The following WDR87 variants were observed in gnomAD, a reference collection of about 807,000 sequenced individuals.
WDR87 encodes the protein WD repeat domain 87.
A neutral mutation model predicts 83.3 loss-of-function variants in WDR87; 56 were observed. That is an observed-to-expected ratio of 0.67 (90% CI 0.54 to 0.84). The LOEUF is 0.84. Among genes scored for constraint, WDR87 ranks in the 40% least tolerant of loss-of-function variants. The pLI, the probability that WDR87 is intolerant of heterozygous loss-of-function variation, is 0.00. For synonymous variants in WDR87, 1,173 were observed against 1,250.6 expected (o/e 0.94, Z 1.31); for missense variants, 2,939 against 3,431.9 (o/e 0.86, Z 3.59).
In WDR87 at chr19:37,888,133, C is replaced by T. The variant is rs950379333; in HGVS notation, c.5538G>A (p.Glu1846=). 2 of 1,551,988 alleles carry T rather than the reference C, an allele frequency of 1.3e-6. No homozygotes were observed. Among genetic ancestry groups the T allele is most frequent in the African/African-American group, 2.7e-5 (2 of 73,012 alleles). Residue 1846 remains glutamate (E), a synonymous_variant, in exon 6 of 6, where the codon GAG becomes GAA. Coordinates refer to ENST00000447313, the MANE Select transcript of WDR87 (RefSeq NM_001291088.2). The part of the protein sequence containing the change: ...RLGRKREQLI[E]KKMKLAQKRE... ...TTTTTTGGGCCAGTTTCATCTTCTT[C>T]TCAATCAATTGCTCCCTTTTCCGTC...
rs973446632 is a variant in WDR87, at chr19:37,888,261, C to T, written c.5410G>A (p.Glu1804Lys). Residue 1804 changes from glutamate (E) to lysine (K), a missense_variant, in exon 6 of 6, where the codon GAA (glutamate) becomes AAA (lysine). Physicochemically the swap from Glu to Lys is moderately conservative, Grantham distance 56 (BLOSUM62 1). Around this residue, in one of 3 missense-constraint regions of WDR87, gnomAD observed 2,160 missense variants for 2,533.1 expected, o/e 0.85. Coordinates refer to ENST00000447313, the MANE Select transcript of WDR87 (RefSeq NM_001291088.2). ...ALAWQREKLSEEETKLAQEEE... is the reference protein window; with the variant it reads ...ALAWQREKLSKEETKLAQEEE... ...TCCTGGGCCAGTTTTGTCTCTTCTTCAGACAGTTTCTCCCTTTGCCAGGCC... is the reference window on the plus strand; with the variant it reads ...TCCTGGGCCAGTTTTGTCTCTTCTTTAGACAGTTTCTCCCTTTGCCAGGCC... 1 of 1,550,966 alleles carries T rather than the reference C, an allele frequency of 6.4e-7. No individual in the cohort carries two copies. The highest frequency in any genetic ancestry group is 8.7e-7 in the Non-Finnish European group (1 of 1,146,792).
chr19:37,892,847 C>G lies in WDR87; in HGVS notation c.2856G>C (p.Gln952His), dbSNP rs1467810803. 2 of 1,551,700 alleles carry G rather than the reference C, an allele frequency of 1.3e-6. No homozygotes were observed. The highest frequency in any genetic ancestry group is 4.9e-5 in the East Asian group (2 of 40,926). Residue 952 changes from glutamine (Q) to histidine (H), a missense_variant, in exon 4 of 6, where the codon CAG becomes CAC. Around this residue, in one of 3 missense-constraint regions of WDR87, gnomAD observed 2,160 missense variants for 2,533.1 expected, o/e 0.85. Coordinates refer to ENST00000447313, the MANE Select transcript of WDR87 (RefSeq NM_001291088.2). Reference protein sequence around the residue: ...GALGQIFASYQVSPALRSETA... With the variant: ...GALGQIFASYHVSPALRSETA... Reference sequence around the variant, plus strand: ...TCTCAGAGCGTAGGGCTGGGGACACCTGGTAAGAGGCAAAGATTTGCCCTA... The same window carrying G: ...TCTCAGAGCGTAGGGCTGGGGACACGTGGTAAGAGGCAAAGATTTGCCCTA...
rs925293142 is a variant in WDR87, at chr19:37,894,208, T to A, written c.1495A>T (p.Lys499Ter). The A allele has an allele frequency of 3.9e-6, 6 of 1,551,976 alleles. No individual in the cohort carries two copies. In the African/African-American group the frequency reaches 8.2e-5, roughly 21 times the overall value. Residue 499 changes from lysine to a stop codon, truncating the protein, a stop_gained, in exon 4 of 6, where the codon AAA becomes TAA. Coordinates refer to ENST00000447313, the MANE Select transcript of WDR87 (RefSeq NM_001291088.2). LOFTEE classifies it high-confidence loss of function. ...AGTACAGCGCCAAAGTGCATGAATT[T>A]TTCTAATCGAGCACAGCTGTGCTGG... is the stretch of plus-strand genomic sequence containing the variant. ...LSQHSCARLEKFMHFGAVLAL... is the reference protein window; with the variant it reads ...LSQHSCARLE
chr19:37,896,385 G>T, intron 2 of WDR87, 77 bp from the exon 3 acceptor site: 1 of 1,472,666 alleles, frequency 6.8e-7, no homozygotes, highest in South Asian at 1.3e-5. Context: ...GTCACAGTTG[G>T]AGCAGTTCCC....
Position 37,900,456 on chromosome 19 carries a change from G to T in WDR87, c.-46-2171C>A, listed in dbSNP as rs539771834. On this transcript the variant is annotated intron_variant, in intron 1 of 5. Coordinates refer to ENST00000447313, the MANE Select transcript of WDR87 (RefSeq NM_001291088.2). The stretch of plus-strand genomic sequence containing the variant: ...GGCGCCTGTAACTCCAGCTACTCGG[G>T]AGGCTGAGGCAGGAGAATCGCTTCA... Among the ~76,000 whole-genome samples the T allele has an allele frequency of 2.9e-4, 44 of 150,820 alleles. No homozygotes were observed. In the Middle Eastern group the frequency reaches 0.014, roughly 47 times the overall value.
Position 37,887,142 on chromosome 19 carries a change from T to C in WDR87, c.6529A>G (p.Lys2177Glu), listed in dbSNP as rs1183023036. ...AGTTTTCTCTGCTTCCGAGCCAGTT[T>C]CTTCTCATCTTTAGTCAGTTCTGAT... ...KRSELTKDEKKLARKQRKLAN... is the reference protein window; with the variant it reads ...KRSELTKDEKELARKQRKLAN... The change falls in exon 6 of 6, where the codon AAA becomes GAA. Residue 2177 changes from lysine (K) to glutamate (E), a missense_variant. By Grantham distance (56) the Lys-to-Glu change is moderately conservative (BLOSUM62 1). Around this residue, in one of 3 missense-constraint regions of WDR87, gnomAD observed 2,160 missense variants for 2,533.1 expected, o/e 0.85. Coordinates refer to ENST00000447313, the MANE Select transcript of WDR87 (RefSeq NM_001291088.2). 1.3e-6 allele frequency: 2 copies of C among 1,550,988 alleles called. No individual in the cohort carries two copies. Among genetic ancestry groups the C allele is most frequent in the East Asian group, 4.9e-5 (2 of 40,920 alleles).
chr19:37,891,507 C>T, intron 5 of WDR87, 45 bp downstream of exon 5: 1 of 1,542,574 alleles, frequency 6.5e-7, no homozygotes, highest in Non-Finnish European at 8.8e-7. Context: ...AACTACCCTG[C>T]CTCTTGGGGA....
At chr19:37,898,840 A>C (rs2046275437) in intron 1 of WDR87, among the ~76,000 whole-genome samples, 1 of 152,166 alleles carries the variant, frequency 6.6e-6, no homozygotes, top group Non-Finnish European at 1.5e-5. Flanking sequence ...ATGACAGTTA[A>C]ATTTATAGTC....
rs1398421209 is a variant in WDR87, at chr19:37,891,728, A to G, written c.3218T>C (p.Leu1073Ser). 8 of 1,552,076 alleles carry G rather than the reference A, an allele frequency of 5.2e-6. No individual in the cohort carries two copies. Among genetic ancestry groups the G allele is most frequent in the South Asian group, 4.8e-5 (4 of 84,060 alleles). Residue 1073 changes from leucine to serine, a missense_variant, in exon 5 of 6, where the codon TTG (leucine) becomes TCG (serine). Transcript: ENST00000447313. ...ATGTGACAGGGTCAGGTTTTCATTC[A>G]ATCTCTGCTCCACTTGAGTGGAAAG... ...QILSTQVEQR[L>S]NENLTLSHRD... is the part of the protein sequence containing the mutation.
At chr19:37,902,325 C>T (rs1397494451) in intron 1 of WDR87, among the ~76,000 whole-genome samples, 1 of 152,086 alleles carries the variant, frequency 6.6e-6, no homozygotes, top group African/African-American at 2.4e-5. Context: ...AGTGATTCTC[C>T]TGCCTCAGCC....
At chr19:37,901,075 G>A (rs1176776072) in intron 1 of WDR87, among the ~76,000 whole-genome samples, 2 of 151,460 alleles carry the variant, frequency 1.3e-5, no homozygotes, top group Non-Finnish European at 2.9e-5. Flanking sequence ...GGAGGTTGAG[G>A]CTGCAGTCAG....
At position 37,894,453 on chromosome 19, in the gene WDR87, T is replaced by C. The variant is rs1037809273; in HGVS notation, c.1250A>G (p.Tyr417Cys). Residue 417 changes from tyrosine to cysteine, a missense_variant, in exon 4 of 6, where the codon TAC becomes TGC. By Grantham distance (194) the Tyr-to-Cys change is radical (BLOSUM62 -2). Transcript: ENST00000447313. Reference protein sequence around the residue: ...SILDQAVDWAYDPGKEELFVA... With the variant: ...SILDQAVDWACDPGKEELFVA... ...AAAGAGCTCCTCTTTACCTGGGTCG[T>C]AGGCCCAATCCACAGCCTGGTCCAG... The C allele has an allele frequency of 6.4e-7, 1 of 1,551,718 alleles. No homozygotes were observed. The highest frequency in any genetic ancestry group is 1.7e-4 in the Middle Eastern group (1 of 5,992).
In WDR87 at chr19:37,886,692, T is replaced by C. The variant is rs2046149266; in HGVS notation, c.6979A>G (p.Lys2327Glu). The change falls in exon 6 of 6, where the codon AAG (lysine) becomes GAG (glutamate). Residue 2327 changes from lysine to glutamate, a missense_variant. By Grantham distance (56) the Lys-to-Glu change is moderately conservative (BLOSUM62 1). Transcript: ENST00000447313. ...TTCTTCTTTTCCTTTTTCTTCTTCT[T>C]CTTCTCCTCCTCTTCTTTCTCCACT... ...KQVEKEEEEKKKKKKEKKKEE... is the reference protein window; with the variant it reads ...KQVEKEEEEKEKKKKEKKKEE... 8.2e-6 allele frequency: 12 copies of C among 1,463,674 alleles called. No individual in the cohort carries two copies. The highest frequency in any genetic ancestry group is 1.1e-5 in the Non-Finnish European group (12 of 1,077,572). The allele number at this position is 1,463,674 out of a possible 1,614,324, so 90.7% of individuals were successfully genotyped here. A position where few individuals can be genotyped will look rare whatever the true frequency, so the allele number is the denominator to read the frequency against.
At position 37,894,184 on chromosome 19, in the gene WDR87, G is replaced by C. The variant is rs1001702170; in HGVS notation, c.1519C>G (p.Leu507Val). The change falls in exon 4 of 6, where the codon CTG (leucine) becomes GTG (valine). Residue 507 changes from leucine (L) to valine (V), a missense_variant. Around this residue, in one of 3 missense-constraint regions of WDR87, gnomAD observed 553 missense variants for 577.9 expected, o/e 0.96. Transcript: ENST00000447313. ...CCTCCAGACAGCGTGGAGAGTGCCA[G>C]TACAGCGCCAAAGTGCATGAATTTT... ...LEKFMHFGAV[L>V]ALSTLSGGIF... The C allele has an allele frequency of 1.5e-5, 24 of 1,552,144 alleles. No homozygotes were observed. The highest frequency in any genetic ancestry group is 2.7e-5 in the African/African-American group (2 of 73,040).
Position 37,889,898 on chromosome 19 carries a change from A to C in WDR87, c.3773T>G (p.Val1258Gly), listed in dbSNP as rs905960294. 1.3e-5 allele frequency: 20 copies of C among 1,551,478 alleles called. No homozygotes were observed. The highest frequency in any genetic ancestry group is 1.7e-5 in the Non-Finnish European group (19 of 1,146,968). The part of the protein sequence containing the change: ...PVMEQPVTKK[V>G]KIQGRGASGI... ...AGAGGCTCCCCGCCCTTGGATTTTA[A>C]CCTTTTTAGTAACTGGCTGTTCCAT... Residue 1258 changes from valine to glycine, a missense_variant, in exon 6 of 6, where the codon GTT becomes GGT. Val to Gly is a moderately radical substitution (Grantham distance 109). Coordinates refer to ENST00000447313, the MANE Select transcript of WDR87 (RefSeq NM_001291088.2).
At chr19:37,891,889 A>C in intron 4 of WDR87, 69 bp from the exon 5 acceptor site, 1 of 1,510,172 alleles carries the variant, frequency 6.6e-7, no homozygotes. Flanking sequence ...GAAGCAAAAA[A>C]CGGTTGTGGA....
intron 1 of WDR87, among the ~76,000 whole-genome samples, chr19:37,904,361 CTTT>C (rs754911976): frequency 1.5e-5 from 2 of 130,486 alleles, no homozygotes; most frequent in Admixed American, 7.6e-5. Flanking sequence ...TGTGTGTGTG[CTTT>C]TTTTTTTTTT....
chr19:37,905,142 G>C (rs2046316288), intron 1 of WDR87, among the ~76,000 whole-genome samples: 1 of 150,922 alleles, frequency 6.6e-6, no homozygotes, highest in Non-Finnish European at 1.5e-5. Flanking sequence ...TGAGGCAGGA[G>C]AGTCACTTGA....
At position 37,886,233 on chromosome 19, in the gene WDR87, C is replaced by T. The variant is rs2046143586; in HGVS notation, c.7438G>A (p.Gly2480Arg). The change falls in exon 6 of 6, where the codon GGA becomes AGA. Residue 2480 changes from glycine to arginine, a missense_variant. This residue lies in a region of WDR87 where 2,160 missense variants were observed against 2,533.1 expected (regional missense o/e 0.85). Transcript: ENST00000447313. Reference protein sequence around the residue: ...GTMDKEREVMGKYEPIPPHVL... With the variant: ...GTMDKEREVMRKYEPIPPHVL... ...TGTGGAGGTATGGGTTCATATTTTC[C>T]CATCACTTCTCTTTCTTTATCCATT... The T allele has an allele frequency of 6.4e-7, 1 of 1,551,610 alleles. No individual in the cohort carries two copies. Among genetic ancestry groups the T allele is most frequent in the Non-Finnish European group, 8.7e-7 (1 of 1,146,980 alleles).
Sources: gnomAD v4.1 joint callset for allele counts (sites outside exome capture counted in the v4.1 genomes callset) on GRCh38, gnomAD v4.1.1 for gene constraint, gnomAD v4.1.1 regional missense constraint, MANE v1.5 for transcripts, NCBI Gene and HGNC (gene_info 2026-07-23, HGNC 2026-07-21) for gene names.